WWC2: variants seen among roughly 807,000 people sequenced by gnomAD.
WWC2 encodes WW and C2 domain containing 2.
WWC2 carries 101 observed loss-of-function variants against 138.5 expected under a neutral mutation model. That is an observed-to-expected ratio of 0.73 (90% CI 0.62 to 0.86). The LOEUF is 0.86. Ranked by LOEUF, WWC2 falls within the 40% of genes least tolerant of loss-of-function variation. The pLI is 0.00. For synonymous variants in WWC2, 558 were observed against 538.4 expected (o/e 1.04, Z -0.50); for missense variants, 1,420 against 1,419.4 (o/e 1.00, Z -0.01).
At chr4:183,250,631 G>A (rs545026782) in intron 8 of WWC2, among the ~76,000 whole-genome samples, 115 of 152,064 alleles carry the variant, frequency 7.6e-4, no homozygotes, top group African/African-American at 2.6e-3. Context: ...TTCACTATCC[G>A]TATCTAGTAG....
At chr4:183,162,167 A>G (rs1290347750) in intron 1 of WWC2, among the ~76,000 whole-genome samples, 1 of 117,434 alleles carries the variant, frequency 8.5e-6, no homozygotes, top group Admixed American at 9.7e-5. Context: ...CAAAGAAGGC[A>G]AACCCTGTTC....
At chr4:183,284,115 G>C in intron 18 of WWC2, 111 bp from the exon 19 acceptor site, 2 of 1,328,890 alleles carry the variant, frequency 1.5e-6, no homozygotes, top group Non-Finnish European at 2.1e-6. Flanking sequence ...AGTGGCCATA[G>C]TGCTCCATGA....
At chr4:183,151,532 T>C (rs1733634595) in intron 1 of WWC2, among the ~76,000 whole-genome samples, 1 of 152,244 alleles carries the variant, frequency 6.6e-6, no homozygotes, top group Non-Finnish European at 1.5e-5. Context: ...GTGCAGAAGC[T>C]CTTTAGTTTA....
At chr4:183,126,432 C>CTT (rs1732759434) in intron 1 of WWC2, among the ~76,000 whole-genome samples, 1 of 152,160 alleles carries the variant, frequency 6.6e-6, no homozygotes, top group Admixed American at 6.5e-5. Context: ...CATCATGGGG[C>CTT]TTCTCAAATA....
Position 183,320,559 on chromosome 4 carries a change from C to A in WWC2, c.*4830C>A, listed in dbSNP as rs1407748778. ...AAAATGGCTTTCATGTTATTCCCAA[C>A]CTTTCTAACAAAGAATTAAGTCTAA... On this transcript the variant is annotated 3_prime_UTR_variant, in exon 23 of 23. Transcript: ENST00000403733. 3 of 283,662 alleles carry A rather than the reference C, an allele frequency of 1.1e-5. No homozygotes were observed. The highest frequency in any genetic ancestry group is 2.1e-5 in the Non-Finnish European group (3 of 142,594). 17.6% of individuals were successfully genotyped at this position (283,662 alleles called of 1,614,324 possible). A position where few individuals can be genotyped will look rare whatever the true frequency, so the allele number is the denominator to read the frequency against.
At chr4:183,104,606 A>C (rs1035942437) in intron 1 of WWC2, among the ~76,000 whole-genome samples, 2 of 152,180 alleles carry the variant, frequency 1.3e-5, no homozygotes, top group African/African-American at 2.4e-5. Context: ...CTGGGTGCCA[A>C]GTGGTTACTG....
At chr4:183,121,740 C>T (rs1459322218) in intron 1 of WWC2, among the ~76,000 whole-genome samples, 2 of 150,680 alleles carry the variant, frequency 1.3e-5, no homozygotes, top group Non-Finnish European at 2.9e-5. Context: ...TAGCATTTTT[C>T]ACCTATTATG....
At chr4:183,184,418 A>T (rs1331179944) in intron 1 of WWC2, among the ~76,000 whole-genome samples, 1 of 152,170 alleles carries the variant, frequency 6.6e-6, no homozygotes, top group Admixed American at 6.5e-5. Context: ...TTTGGCTATT[A>T]TGAATAATGC....
intron 1 of WWC2, among the ~76,000 whole-genome samples, chr4:183,108,909 C>T (rs1489732104): frequency 2.0e-5 from 3 of 151,984 alleles, no homozygotes; most frequent in Non-Finnish European, 2.9e-5. Flanking sequence ...ACACCCGGCC[C>T]GATTGTAGTT....
intron 1 of WWC2, among the ~76,000 whole-genome samples, chr4:183,135,212 C>T (rs1018530703): frequency 1.3e-5 from 2 of 152,132 alleles, no homozygotes; most frequent in African/African-American, 4.8e-5. Context: ...AGCGACCCCG[C>T]CTGGCTGATC....
At chr4:183,272,232 AG>A (rs2111384285) in intron 16 of WWC2, among the ~76,000 whole-genome samples, 1 of 152,350 alleles carries the variant, frequency 6.6e-6, no homozygotes, top group East Asian at 1.9e-4. Flanking sequence ...GAGAAACTAT[AG>A]TAGACACTGT....
intron 1 of WWC2, among the ~76,000 whole-genome samples, chr4:183,186,420 A>G (rs376940911): frequency 2.6e-5 from 4 of 152,274 alleles, no homozygotes; most frequent in South Asian, 2.1e-4. Context: ...GGGAAATTCT[A>G]TGATAGGGCC....
At chr4:183,102,554 A>G (rs1743211570) in intron 1 of WWC2, among the ~76,000 whole-genome samples, 1 of 152,222 alleles carries the variant, frequency 6.6e-6, no homozygotes, top group Non-Finnish European at 1.5e-5. Context: ...GCTTGACTCT[A>G]CAGCATGTGT....
At chr4:183,201,305 T>C (rs1464300990) in intron 2 of WWC2, among the ~76,000 whole-genome samples, 1 of 152,232 alleles carries the variant, frequency 6.6e-6, no homozygotes, top group East Asian at 1.9e-4. Flanking sequence ...AGGTGAGATA[T>C]ACATCTTCTG....
chr4:183,192,907 CTG>C (rs1379899635), intron 1 of WWC2, among the ~76,000 whole-genome samples: 1 of 152,098 alleles, frequency 6.6e-6, no homozygotes, highest in Admixed American at 6.5e-5. Flanking sequence ...GCTTAGGAAA[CTG>C]TGTGGTTTCT....
intron 4 of WWC2, among the ~76,000 whole-genome samples, chr4:183,233,148 CTTTTTTTTTTT>C (rs543576361): frequency 0.048 from 4,068 of 84,734 alleles, 106 homozygotes; most frequent in Non-Finnish European, 0.068. Context: ...CTTTTTAAAC[CTTTTTTTTTTT>C]TTTTTTTTTT....
chr4:183,279,307 T>A lies in WWC2; in HGVS notation c.2563-1469T>A, dbSNP rs913615225. Among the ~76,000 whole-genome samples the A allele has an allele frequency of 8.6e-5, 13 of 152,042 alleles. 1 individual carries two copies. The highest frequency in any genetic ancestry group is 3.1e-4 in the African/African-American group (13 of 41,318). On this transcript the variant is annotated intron_variant, in intron 16 of 22. Transcript: ENST00000403733. Reference sequence around the variant, plus strand: ...TGATTTGCGTATATTGAACCAGCCTTGCATCCCAGGGATGAAGCCCACTTG... The same window carrying A: ...TGATTTGCGTATATTGAACCAGCCTAGCATCCCAGGGATGAAGCCCACTTG...
intron 9 of WWC2, among the ~76,000 whole-genome samples, chr4:183,256,884 GCCCC>G (rs60733090): frequency 3.6e-4 from 29 of 81,100 alleles, no homozygotes; most frequent in African/African-American, 9.4e-4. Flanking sequence ...TGATCCTACA[GCCCC>G]CCCCCCCCCC....
At chr4:183,214,063 A>T (rs1428483579) in intron 4 of WWC2, among the ~76,000 whole-genome samples, 1 of 152,162 alleles carries the variant, frequency 6.6e-6, no homozygotes, top group African/African-American at 2.4e-5. Flanking sequence ...TGTAAAAGAA[A>T]GTCTTTAGAA....
Sources: gnomAD v4.1 joint callset for allele counts (sites outside exome capture counted in the v4.1 genomes callset) on GRCh38, gnomAD v4.1.1 for gene constraint, MANE v1.5 for transcripts, NCBI Gene and HGNC (gene_info 2026-07-23, HGNC 2026-07-21) for gene names.